FOXP2: variants seen among roughly 807,000 people sequenced by gnomAD.
FOXP2 encodes forkhead box protein P2.
In FOXP2, 12 loss-of-function variants were observed where a neutral mutation model predicts 115.8. The observed-to-expected ratio is 0.10, with a 90% CI of 0.07 to 0.17. The LOEUF is 0.17. FOXP2 is among the 10% of genes least tolerant of loss of function. The probability of loss-of-function intolerance (pLI) is 1.00; values close to 1 mark genes in which losing one functional copy is unlikely to be tolerated. For missense variants in FOXP2, 629 were observed against 843.5 expected (o/e 0.75, Z 3.15); for synonymous variants, 328 against 297.7 (o/e 1.10, Z -1.05).
chr7:114,216,418 G>A (rs1794486219), intron 1 of FOXP2, among the ~76,000 whole-genome samples: 1 of 152,094 alleles, frequency 6.6e-6, no homozygotes, highest in African/African-American at 2.4e-5. Context: ...AGTTGACACT[G>A]AACTGATCTA....
At chr7:114,614,922 T>TA (rs1563035344) in intron 3 of FOXP2, among the ~76,000 whole-genome samples, 1 of 152,036 alleles carries the variant, frequency 6.6e-6, no homozygotes, top group African/African-American at 2.4e-5. Flanking sequence ...TCTTCTCTTT[T>TA]AAAAAAATAA....
At chr7:114,450,300 T>C (rs1229875006) in intron 2 of FOXP2, among the ~76,000 whole-genome samples, 1 of 152,098 alleles carries the variant, frequency 6.6e-6, no homozygotes, top group Non-Finnish European at 1.5e-5. Flanking sequence ...GGATTTGTTC[T>C]TTAGGCATAT....
At chr7:114,292,266 T>A (rs1024372986) in intron 2 of FOXP2, among the ~76,000 whole-genome samples, 4 of 151,936 alleles carry the variant, frequency 2.6e-5, no homozygotes, top group Non-Finnish European at 4.4e-5. Flanking sequence ...TCATGAAATA[T>A]GTTACTTTAA....
chr7:114,611,144 T>C (rs561159138), intron 3 of FOXP2, among the ~76,000 whole-genome samples: 21 of 152,344 alleles, frequency 1.4e-4, no homozygotes, highest in Admixed American at 1.0e-3. Context: ...TCTTTATGAA[T>C]GTGCCAAAAG....
chr7:114,631,504 C>T (rs1407262539), intron 5 of FOXP2, 24 bp from the exon 6 acceptor site: 12 of 1,554,018 alleles, frequency 7.7e-6, no homozygotes, highest in South Asian at 1.2e-5. Context: ...CTGCTGTTTA[C>T]TGGTTTGGGT....
intron 1 of FOXP2, among the ~76,000 whole-genome samples, chr7:114,143,368 C>G (rs1792279472): frequency 1.3e-5 from 2 of 151,856 alleles, no homozygotes; most frequent in South Asian, 4.2e-4. Context: ...GTTTTTCTTT[C>G]ATAATTTGCC....
chr7:114,457,852 C>G (rs900242190), intron 2 of FOXP2, among the ~76,000 whole-genome samples: 1 of 148,788 alleles, frequency 6.7e-6, no homozygotes, highest in Non-Finnish European at 1.5e-5. Context: ...GAGCCGAGAT[C>G]GTGCCACTGT....
At chr7:114,095,080 A>G (rs1020700563) in intron 1 of FOXP2, among the ~76,000 whole-genome samples, 18 of 152,202 alleles carry the variant, frequency 1.2e-4, no homozygotes, top group African/African-American at 4.1e-4. Context: ...AATAGTTGTG[A>G]AAAGTATCTA....
At chr7:114,249,918 A>T (rs1795393906) in intron 1 of FOXP2, among the ~76,000 whole-genome samples, 1 of 151,526 alleles carries the variant, frequency 6.6e-6, no homozygotes, top group African/African-American at 2.4e-5. Context: ...CATTTACATT[A>T]GGTATATCTC....
chr7:114,434,221 T>G (rs1452162170), intron 2 of FOXP2, among the ~76,000 whole-genome samples: 3 of 151,986 alleles, frequency 2.0e-5, no homozygotes, highest in Non-Finnish European at 4.4e-5. Flanking sequence ...AAAATTTAGC[T>G]GATTGTCATT....
At chr7:114,417,054 G>T (rs11975039) in intron 1 of FOXP2, among the ~76,000 whole-genome samples, 12,189 of 151,920 alleles carry the variant, frequency 0.08, 524 homozygotes, top group Middle Eastern at 0.16. Context: ...GTAAGGCATG[G>T]TATTCTGCTA....
At chr7:114,582,137 A>C (rs1801903991) in intron 3 of FOXP2, among the ~76,000 whole-genome samples, 1 of 152,180 alleles carries the variant, frequency 6.6e-6, no homozygotes, top group South Asian at 2.1e-4. Context: ...CAAAGTATTG[A>C]AACAAGGTCT....
chr7:114,155,019 A>ATAACTCATG (rs1226970478), intron 1 of FOXP2, among the ~76,000 whole-genome samples: 6 of 152,148 alleles, frequency 3.9e-5, no homozygotes, highest in Admixed American at 3.9e-4. Context: ...TTTCCCTAAA[A>ATAACTCATG]TAACTCATGT....
intron 2 of FOXP2, among the ~76,000 whole-genome samples, chr7:114,474,400 A>C (rs1796170109): frequency 6.6e-6 from 1 of 152,204 alleles, no homozygotes. Context: ...TGAATGAGAA[A>C]AAGAAAACTT....
At chr7:114,228,061 T>C (rs1381529695) in intron 1 of FOXP2, among the ~76,000 whole-genome samples, 3 of 152,088 alleles carry the variant, frequency 2.0e-5, no homozygotes, top group Admixed American at 6.6e-5. Context: ...TAGTTTATTA[T>C]GATGGCATAT....
chr7:114,111,035 A>T (rs1004041581), intron 1 of FOXP2, among the ~76,000 whole-genome samples: 4 of 152,168 alleles, frequency 2.6e-5, no homozygotes, highest in Non-Finnish European at 5.9e-5. Flanking sequence ...GTTAAATAAT[A>T]ACATGATTTA....
At chr7:114,576,157 G>A (rs527887764) in intron 3 of FOXP2, among the ~76,000 whole-genome samples, 2 of 151,940 alleles carry the variant, frequency 1.3e-5, no homozygotes, top group South Asian at 4.1e-4. Context: ...CATGTTTAGG[G>A]TTATTGTTAA....
At chr7:114,195,139 C>A (rs1221815577) in intron 1 of FOXP2, among the ~76,000 whole-genome samples, 1 of 152,014 alleles carries the variant, frequency 6.6e-6, no homozygotes, top group African/African-American at 2.4e-5. Context: ...TCACTTTTTA[C>A]AGAGGGAGAG....
At chr7:114,269,476 A>G (rs1294892721) in intron 1 of FOXP2, among the ~76,000 whole-genome samples, 1 of 152,094 alleles carries the variant, frequency 6.6e-6, no homozygotes, top group African/African-American at 2.4e-5. Context: ...CCCAGGCTGT[A>G]GTACAGTGGC....
Sources: gnomAD v4.1 joint callset for allele counts (sites outside exome capture counted in the v4.1 genomes callset) on GRCh38, gnomAD v4.1.1 for gene constraint, MANE v1.5 for transcripts, NCBI Gene and HGNC (gene_info 2026-07-23, HGNC 2026-07-21) for gene names.